Variants in BAZ1B observed in about 807,000 individuals in gnomAD.
BAZ1B encodes tyrosine-protein kinase BAZ1B.
A neutral mutation model predicts 153.8 loss-of-function variants in BAZ1B; 22 were observed. The observed-to-expected ratio is 0.14, with a 90% CI of 0.10 to 0.20. BAZ1B has a LOEUF of 0.20. BAZ1B is among the 10% of genes least tolerant of loss of function. The pLI is 1.00. For synonymous variants in BAZ1B, 676 were observed against 633.4 expected, an observed-to-expected ratio of 1.07 and a Z score of -1.01; for missense variants, 1,325 against 1,799.3, an observed-to-expected ratio of 0.74 and a Z score of 4.77.
In BAZ1B at chr7:73,508,468, C is replaced by T. The variant is rs782620343; in HGVS notation, c.228G>A (p.Leu76=). The T allele has an allele frequency of 8.7e-6, 14 of 1,608,714 alleles. No homozygotes were observed. Among genetic ancestry groups the T allele is most frequent in the Non-Finnish European group, 1.2e-5 (14 of 1,177,846 alleles). ...CATACCAGGCAGGAAACTCCTCCTT[C>T]AAACTAAATAAATGTAATTAGTTAT... The part of the protein sequence containing the change: ...WEEEQEVAEL[L]KEEFPAWYEK... The change falls in exon 3 of 20, where the codon TTG becomes TTA. Residue 76 remains leucine, a synonymous_variant. Transcript: ENST00000339594.
At chr7:73,510,475 C>G (rs1169914661) in intron 2 of BAZ1B, among the ~76,000 whole-genome samples, 1 of 152,118 alleles carries the variant, frequency 6.6e-6, no homozygotes, top group East Asian at 1.9e-4. Context: ...AGAGTACTTA[C>G]AAGGTCAAAG....
At chr7:73,452,742 A>G (rs1338407620) in intron 13 of BAZ1B, among the ~76,000 whole-genome samples, 2 of 151,556 alleles carry the variant, frequency 1.3e-5, no homozygotes, top group Admixed American at 6.6e-5. Context: ...AAAAAAAAAA[A>G]GTGATACACA....
At chr7:73,508,582 AT>A (rs1301965709) in intron 2 of BAZ1B, 111 bp from the exon 3 acceptor site, 15 of 1,276,312 alleles carry the variant, frequency 1.2e-5, no homozygotes, top group Non-Finnish European at 1.6e-5. Flanking sequence ...TCAAACATTT[AT>A]CGCTCTGTCA....
chr7:73,448,401 G>T (rs576426005), intron 15 of BAZ1B, among the ~76,000 whole-genome samples: 1 of 152,302 alleles, frequency 6.6e-6, no homozygotes, highest in East Asian at 1.9e-4. Flanking sequence ...CAAGTACAAG[G>T]TGTCTCCTCT....
intron 2 of BAZ1B, among the ~76,000 whole-genome samples, chr7:73,508,704 C>T (rs1333228888): frequency 6.6e-6 from 1 of 152,188 alleles, no homozygotes; most frequent in Non-Finnish European, 1.5e-5. Context: ...CACCACTGCA[C>T]CTAACCTCTT....
chr7:73,513,168 G>A (rs1790655542), intron 1 of BAZ1B, among the ~76,000 whole-genome samples: 1 of 152,092 alleles, frequency 6.6e-6, no homozygotes, highest in Non-Finnish European at 1.5e-5. Context: ...GCCCAGGTTG[G>A]TCTTGAACTC....
rs1554580300 is a variant in BAZ1B, at chr7:73,521,883, G to A, written c.51C>T (p.Pro17=). 1.6e-5 allele frequency: 24 copies of A among 1,504,176 alleles called. 1 individual carries two copies. The highest frequency in any genetic ancestry group is 2.1e-5 in the Non-Finnish European group (24 of 1,122,572). The allele number at this position is 1,504,176 out of a possible 1,614,324, so 93.2% of individuals were successfully genotyped here. ...GGATGGTGAAGAGCGGCTCCTCTCC[G>A]GGCAACGGCTTCACCAGCGGGAAGG... ...RKPFPLVKPL[P]GEEPLFTIPH... Residue 17 remains proline, a synonymous_variant, in exon 1 of 20, where the codon CCC becomes CCT. Coordinates refer to ENST00000339594, the MANE Select transcript of BAZ1B (RefSeq NM_032408.4).
At chr7:73,462,789 A>T in intron 12 of BAZ1B, 133 bp downstream of exon 12, 1 of 1,001,584 alleles carries the variant, frequency 1.0e-6, no homozygotes. Flanking sequence ...TTGGTTCCAT[A>T]CATGTCTTCC....
intron 15 of BAZ1B, 91 bp from the exon 16 acceptor site, chr7:73,447,470 TC>T: frequency 7.0e-7 from 1 of 1,426,218 alleles, no homozygotes; most frequent in Non-Finnish European, 9.5e-7. Context: ...AGGAAACTTC[TC>T]TTCACAGACT....
At chr7:73,457,236 G>T (rs868965932) in intron 13 of BAZ1B, among the ~76,000 whole-genome samples, 3 of 152,138 alleles carry the variant, frequency 2.0e-5, no homozygotes, top group South Asian at 4.1e-4. Context: ...AGAGTGCAGT[G>T]GCTCCATCTC....
At chr7:73,472,935 A>G (rs1256190652) in intron 7 of BAZ1B, among the ~76,000 whole-genome samples, 1 of 145,862 alleles carries the variant, frequency 6.9e-6, no homozygotes, top group Non-Finnish European at 1.5e-5. Context: ...CACCACACCC[A>G]GCTGATCTTT....
At chr7:73,517,279 G>C (rs782104000) in intron 1 of BAZ1B, among the ~76,000 whole-genome samples, 1 of 152,014 alleles carries the variant, frequency 6.6e-6, no homozygotes, top group African/African-American at 2.4e-5. Context: ...GATCACTTGA[G>C]GCTAGAAATC....
At chr7:73,468,205 G>A (rs1383835448) in intron 9 of BAZ1B, among the ~76,000 whole-genome samples, 2 of 152,168 alleles carry the variant, frequency 1.3e-5, no homozygotes, top group African/African-American at 4.8e-5. Flanking sequence ...GTTACAGACA[G>A]CAGAGCTGAA....
chr7:73,521,819 A>G lies in BAZ1B; in HGVS notation c.107+8T>C. 6.7e-7 allele frequency: 1 copy of G among 1,489,928 alleles called. No homozygotes were observed. The highest frequency in any genetic ancestry group is 1.2e-5 in the South Asian group (1 of 80,726). The allele number at this position is 1,489,928 out of a possible 1,614,324, so 92.3% of individuals were successfully genotyped here. A position where few individuals can be genotyped will look rare whatever the true frequency, so the allele number is the denominator to read the frequency against. ...CCCAGCCCGGCCCGCGCGGCTGGAA[A>G]AGGATACTCCCGGGTGCGGAAGGCC... is the stretch of plus-strand genomic sequence containing the variant. On this transcript the variant is annotated splice_region_variant and intron_variant, in intron 1 of 19. Transcript: ENST00000339594.
chr7:73,445,325 A>C (rs1017290331), intron 16 of BAZ1B, among the ~76,000 whole-genome samples: 3 of 152,176 alleles, frequency 2.0e-5, no homozygotes, highest in African/African-American at 7.2e-5. Context: ...CCAGGCTAGT[A>C]AGAAAGGGTA....
intron 6 of BAZ1B, among the ~76,000 whole-genome samples, chr7:73,483,118 C>A (rs1554573933): frequency 6.6e-6 from 1 of 152,012 alleles, no homozygotes; most frequent in Non-Finnish European, 1.5e-5. Context: ...AATTGCTAAA[C>A]AGAAAAAAAT....
In BAZ1B at chr7:73,498,709, G is replaced by A. The variant is rs374289436; in HGVS notation, c.370-11C>T. The A allele has an allele frequency of 4.3e-6, 7 of 1,611,230 alleles. No homozygotes were observed. The highest frequency in any genetic ancestry group is 5.9e-6 in the Non-Finnish European group (7 of 1,178,148). On this transcript the variant is annotated splice_polypyrimidine_tract_variant and intron_variant, in intron 3 of 19. Transcript: ENST00000339594. ...TTTCTCCTTCCCAACCTATAAAGGA[G>A]GTAGTAGAGAAAATCAGAGATAATA...
chr7:73,460,262 T>C (rs1284812213), intron 12 of BAZ1B, among the ~76,000 whole-genome samples: 4 of 147,956 alleles, frequency 2.7e-5, no homozygotes, highest in African/African-American at 7.5e-5. Flanking sequence ...ATCCACTAAA[T>C]GGCAGAAGCC....
intron 1 of BAZ1B, among the ~76,000 whole-genome samples, chr7:73,515,712 AT>A (rs1318940068): frequency 1.3e-5 from 2 of 151,020 alleles, no homozygotes; most frequent in Non-Finnish European, 3.0e-5. Flanking sequence ...TAATTTTTCT[AT>A]TTTTTTTGTA....
Sources: allele counts gnomAD v4.1 joint callset (sites outside exome capture counted in the v4.1 genomes callset), GRCh38; gene constraint gnomAD v4.1.1; transcripts MANE v1.5; gene names NCBI Gene and HGNC (gene_info 2026-07-23, HGNC 2026-07-21).